The following DNAH14 variants were observed in gnomAD, a reference collection of about 807,000 sequenced individuals.
DNAH14 encodes the protein axonemal beta dynein heavy chain 14.
DNAH14 carries 478 observed loss-of-function variants against 520.9 expected under a neutral mutation model. The ratio of observed to expected loss-of-function variants is 0.92; its 90% CI spans 0.85 to 0.99. DNAH14 has a LOEUF of 0.99. Ranked by LOEUF, DNAH14 falls within the 50% of genes least tolerant of loss-of-function variation. DNAH14 has a pLI of 0.00. For missense variants in DNAH14, 4,831 were observed against 5,234.5 expected, an observed-to-expected ratio of 0.92 and a Z score of 2.38; for synonymous variants, 1,581 against 1,757.2, an observed-to-expected ratio of 0.90 and a Z score of 2.51.
At chr1:225,290,905 C>T (rs1004755347) in intron 55 of DNAH14, among the ~76,000 whole-genome samples, 4 of 151,420 alleles carry the variant, frequency 2.6e-5, no homozygotes, top group African/African-American at 9.7e-5. Flanking sequence ...AGCCATTTGA[C>T]ACTATATAAT....
chr1:225,351,973 T>A, intron 72 of DNAH14, 90 bp downstream of exon 72: 1 of 1,068,282 alleles, frequency 9.4e-7, no homozygotes, highest in Non-Finnish European at 1.3e-6. Flanking sequence ...TTATCTTACA[T>A]TATGAAAAAA....
In DNAH14 at chr1:225,170,252, C is replaced by A. The variant is rs111960709; in HGVS notation, c.5535+2224C>A. Among the ~76,000 whole-genome samples the A allele has an allele frequency of 5.9e-3, 899 of 152,314 alleles. 1 individual carries two copies. The highest frequency in any genetic ancestry group is 0.01 in the Non-Finnish European group (711 of 68,032). ...CCAGGTAACATCATAATAACAGCATCAAATTCACACATAACAATATTAACC... is the reference window on the plus strand; with the variant it reads ...CCAGGTAACATCATAATAACAGCATAAAATTCACACATAACAATATTAACC... On this transcript the variant is annotated intron_variant, in intron 36 of 85. Coordinates refer to ENST00000682510, the MANE Select transcript of DNAH14 (RefSeq NM_001367479.1).
At chr1:225,251,363 G>A (rs897124603) in intron 43 of DNAH14, among the ~76,000 whole-genome samples, 6 of 151,944 alleles carry the variant, frequency 3.9e-5, no homozygotes, top group Non-Finnish European at 7.4e-5. Flanking sequence ...TAGTAGAGAC[G>A]GGGTTGCACC....
At chr1:225,078,116 A>G (rs1292729270) in intron 17 of DNAH14, among the ~76,000 whole-genome samples, 1 of 152,190 alleles carries the variant, frequency 6.6e-6, no homozygotes, top group African/African-American at 2.4e-5. Context: ...GGAGTAATTT[A>G]TATACACTTT....
intron 10 of DNAH14, among the ~76,000 whole-genome samples, chr1:225,019,792 T>TA (rs1224200657): frequency 2.0e-5 from 3 of 152,048 alleles, no homozygotes; most frequent in Admixed American, 1.3e-4. Flanking sequence ...GGCAGAAATT[T>TA]AAAAAAATTA....
At chr1:225,011,089 T>TCGAC (rs1364208055) in intron 10 of DNAH14, among the ~76,000 whole-genome samples, 1 of 152,150 alleles carries the variant, frequency 6.6e-6, no homozygotes, top group East Asian at 1.9e-4. Context: ...TTTGTGTGTC[T>TCGAC]CTATTTCCTT....
At chr1:225,003,260 A>T (rs1037036362) in intron 9 of DNAH14, among the ~76,000 whole-genome samples, 1 of 152,036 alleles carries the variant, frequency 6.6e-6, no homozygotes, top group Admixed American at 6.6e-5. Flanking sequence ...TCAAGATAGT[A>T]TCATAAGCTT....
chr1:224,951,893 C>T (rs2060202413), intron 1 of DNAH14, among the ~76,000 whole-genome samples: 1 of 152,014 alleles, frequency 6.6e-6, no homozygotes, highest in South Asian at 2.1e-4. Context: ...CCCGCCTTGG[C>T]TTCCCAAAGT....
intron 43 of DNAH14, among the ~76,000 whole-genome samples, chr1:225,241,561 A>C (rs893851537): frequency 6.6e-6 from 1 of 152,150 alleles, no homozygotes; most frequent in Non-Finnish European, 1.5e-5. Flanking sequence ...TGAATGTCAA[A>C]GAGTGAACTT....
intron 33 of DNAH14, 119 bp from the exon 34 acceptor site, chr1:225,153,631 A>T (rs1311575287): frequency 1.6e-6 from 1 of 630,408 alleles, no homozygotes; most frequent in Admixed American, 3.3e-5. Flanking sequence ...TTTTGGATTC[A>T]TGTCACTGTT....
At chr1:225,389,686 G>A in intron 82 of DNAH14, 48 bp from the exon 83 acceptor site, 1 of 1,542,598 alleles carries the variant, frequency 6.5e-7, no homozygotes, top group Non-Finnish European at 8.8e-7. Flanking sequence ...CCAAAGGTGT[G>A]CAATTATTAT....
intron 58 of DNAH14, among the ~76,000 whole-genome samples, chr1:225,305,990 A>G (rs2094233126): frequency 6.6e-6 from 1 of 152,218 alleles, no homozygotes; most frequent in Admixed American, 6.5e-5. Context: ...AAGCCAGTTA[A>G]AAATGTTATT....
At position 225,082,430 on chromosome 1, in the gene DNAH14, A is replaced by C. The variant is rs1419006794; in HGVS notation, c.3137-119A>C. ...GCTTCATGTTATTTTAATGTAGTTTAATAATTGATAAAGTAGTTTTTAACA... is the reference window on the plus strand; with the variant it reads ...GCTTCATGTTATTTTAATGTAGTTTCATAATTGATAAAGTAGTTTTTAACA... On this transcript the variant is annotated intron_variant, in intron 19 of 85. Coordinates refer to ENST00000682510, the MANE Select transcript of DNAH14 (RefSeq NM_001367479.1). 3 of 726,148 alleles carry C rather than the reference A, an allele frequency of 4.1e-6. No homozygotes were observed. In the African/African-American group the frequency reaches 5.4e-5, roughly 13 times the overall value. 45.0% of individuals were successfully genotyped at this position (726,148 alleles called of 1,614,324 possible).
Position 225,308,339 on chromosome 1 carries a change from G to T in DNAH14, c.9169G>T (p.Val3057Phe). The change falls in exon 60 of 86, where the codon GTT (valine) becomes TTT (phenylalanine). Residue 3057 changes from valine to phenylalanine, a missense_variant. By Grantham distance (50) the Val-to-Phe change is conservative. Coordinates refer to ENST00000682510, the MANE Select transcript of DNAH14 (RefSeq NM_001367479.1). ...LRKDSQVVEK[V>F]QMLVKQDEEI... ...GAAAGATTCACAAGTAGTTGAGAAAGTTCAGATGCTTGTTAAACAGGATGA... is the reference window on the plus strand; with the variant it reads ...GAAAGATTCACAAGTAGTTGAGAAATTTCAGATGCTTGTTAAACAGGATGA... 2.6e-6 allele frequency: 4 copies of T among 1,544,090 alleles called. No individual in the cohort carries two copies. Among genetic ancestry groups the T allele is most frequent in the Non-Finnish European group, 3.5e-6 (4 of 1,144,808 alleles).
At chr1:225,310,853 G>A (rs2094350465) in intron 60 of DNAH14, among the ~76,000 whole-genome samples, 2 of 152,104 alleles carry the variant, frequency 1.3e-5, no homozygotes, top group Admixed American at 1.3e-4. Flanking sequence ...ATCACTGATG[G>A]GCATTTGGGT....
At chr1:225,167,255 C>A (rs2082119947) in intron 35 of DNAH14, among the ~76,000 whole-genome samples, 1 of 152,020 alleles carries the variant, frequency 6.6e-6, no homozygotes, top group Non-Finnish European at 1.5e-5. Flanking sequence ...TGTAGGGATG[C>A]AAGGAATGAA....
intron 10 of DNAH14, among the ~76,000 whole-genome samples, chr1:225,021,190 T>C (rs1383172522): frequency 3.9e-5 from 6 of 152,090 alleles, no homozygotes; most frequent in Non-Finnish European, 8.8e-5. Flanking sequence ...ACAGTGAACA[T>C]CATACTGAAC....
chr1:225,086,217 C>G (rs972469681), intron 21 of DNAH14, among the ~76,000 whole-genome samples: 1 of 151,932 alleles, frequency 6.6e-6, no homozygotes, highest in Non-Finnish European at 1.5e-5. Flanking sequence ...ACTGCAAGCT[C>G]CGCCTCCTGG....
At position 225,108,005 on chromosome 1, in the gene DNAH14, C is replaced by T. The variant is rs187189067; in HGVS notation, c.3867+7121C>T. On this transcript the variant is annotated intron_variant, in intron 23 of 85. Transcript: ENST00000682510. ...CTGGGTGTGTCTGTGAGGTTGTTGC[C>T]GAAGGAGATTAACATTTGAGTCAGT... 5.1e-4 allele frequency among the ~76,000 whole-genome samples: 77 copies of T among 152,122 alleles called. 1 individual carries two copies. The highest frequency in any genetic ancestry group is 3.7e-3 in the South Asian group (18 of 4,808).
Sources: gnomAD v4.1 joint callset for allele counts (sites outside exome capture counted in the v4.1 genomes callset) on GRCh38, gnomAD v4.1.1 for gene constraint, MANE v1.5 for transcripts, NCBI Gene and HGNC (gene_info 2026-07-23, HGNC 2026-07-21) for gene names.